The following FIRRM variants were observed in gnomAD, a reference collection of about 807,000 sequenced individuals.
FIRRM encodes FIGNL1 interacting regulator of recombination and mitosis, also known as FIGNL1-interacting regulator of recombination and mitosis.
At chr1:169,793,738 A>G in the FIRRM span, 6 of 1,508,040 alleles carry the variant, frequency 4.0e-6, no homozygotes, top group Middle Eastern at 1.8e-4. Flanking sequence ...AGATTCTTCA[A>G]CTTCTGGATA....
the FIRRM span, chr1:169,830,469 T>G: frequency 1.1e-6 from 1 of 944,690 alleles, no homozygotes; most frequent in Non-Finnish European, 1.6e-6. Context: ...CCCAAAACGC[T>G]TTGATTTCAT....
At chr1:169,843,661 TTG>T in the FIRRM span, 3 of 1,579,278 alleles carry the variant, frequency 1.9e-6, no homozygotes, top group African/African-American at 1.3e-5. Flanking sequence ...CAAAATTACT[TTG>T]TGTTTCTTAG....
chr1:169,795,471 C>A, the FIRRM span: 1 of 1,262,688 alleles, frequency 7.9e-7, no homozygotes, highest in Non-Finnish European at 1.0e-6. Context: ...GTGGATGTGG[C>A]GTTTTCTTCC....
chr1:169,830,831 G>A, the FIRRM span: 15 of 1,215,274 alleles, frequency 1.2e-5, no homozygotes, highest in Admixed American at 1.7e-5. Context: ...TGTGAATATC[G>A]GCGGGAGAAA....
the FIRRM span, chr1:169,827,233 C>A: frequency 1.3e-6 from 2 of 1,575,154 alleles, no homozygotes; most frequent in Non-Finnish European, 1.7e-6. Flanking sequence ...GATAAATCAT[C>A]TATTATGACA....
At chr1:169,842,283 C>A in the FIRRM span, 1 of 750,760 alleles carries the variant, frequency 1.3e-6, no homozygotes, top group Non-Finnish European at 2.0e-6. Context: ...ATGGCTTTGG[C>A]TCTTAGAAAT....
the FIRRM span, chr1:169,843,576 C>A: frequency 1.4e-6 from 1 of 710,756 alleles, no homozygotes. Context: ...AAATACTTAA[C>A]ATATTACCTG....
chr1:169,793,043 T>G, the FIRRM span: 1 of 1,614,210 alleles, frequency 6.2e-7, no homozygotes, highest in East Asian at 2.2e-5. Context: ...CATACTGTTA[T>G]AATCTTGAAA....
chr1:169,803,453 ATAAT>A, the FIRRM span: 2 of 903,046 alleles, frequency 2.2e-6, no homozygotes, highest in East Asian at 6.0e-5. Context: ...ATGTAAGTAA[ATAAT>A]TGTTGCAAAA....
the FIRRM span, chr1:169,794,845 G>T: frequency 2.1e-6 from 1 of 483,284 alleles, no homozygotes; most frequent in Non-Finnish European, 3.8e-6. Flanking sequence ...ACGTGTCCTG[G>T]GATCGCGCTT....
chr1:169,788,789 GTAATATTTAAGTTAGA>G, the FIRRM span, among the ~76,000 whole-genome samples: 1 of 152,218 alleles, frequency 6.6e-6, no homozygotes, highest in East Asian at 1.9e-4. Context: ...ACTTTCTTTA[GTAATATTTAAGTTAGA>G]TAATATTTAA....
the FIRRM span, chr1:169,806,036 A>G: frequency 5.0e-6 from 8 of 1,604,012 alleles, no homozygotes; most frequent in Non-Finnish European, 6.8e-6. Context: ...CTGCTCTGTT[A>G]TTTCCAGTAT....
chr1:169,838,460 G>A, the FIRRM span, among the ~76,000 whole-genome samples: 1 of 151,918 alleles, frequency 6.6e-6, no homozygotes, highest in Non-Finnish European at 1.5e-5. Context: ...TTCAACATAC[G>A]TCTTTTATTT....
the FIRRM span, among the ~76,000 whole-genome samples, chr1:169,808,108 T>C: frequency 1.3e-5 from 2 of 152,188 alleles, no homozygotes; most frequent in African/African-American, 2.4e-5. Flanking sequence ...CCCAGAGCAT[T>C]GTATTAGATT....
chr1:169,795,667 A>C, the FIRRM span: 1 of 988,872 alleles, frequency 1.0e-6, no homozygotes, highest in Non-Finnish European at 1.2e-6. Flanking sequence ...GAATATGAAT[A>C]AGGGCTTTCT....
At chr1:169,807,699 T>G in the FIRRM span, 1 of 1,172,702 alleles carries the variant, frequency 8.5e-7, no homozygotes, top group Non-Finnish European at 1.2e-6. Flanking sequence ...ATTGTTTTTT[T>G]AAATGTTCTA....
the FIRRM span, chr1:169,821,549 A>G: frequency 1.9e-6 from 1 of 538,798 alleles, no homozygotes; most frequent in South Asian, 3.9e-5. Flanking sequence ...TCTCGGAAAA[A>G]TTTTATACTG....
chr1:169,810,797 T>C, the FIRRM span, among the ~76,000 whole-genome samples: 162 of 151,134 alleles, frequency 1.1e-3, 2 homozygotes, highest in African/African-American at 3.8e-3. Flanking sequence ...TTAGAGTTTT[T>C]AATGTATAGT....
chr1:169,826,082 T>C, the FIRRM span: 1 of 328,656 alleles, frequency 3.0e-6, no homozygotes, highest in South Asian at 2.7e-5. Context: ...ACTTTTTTTT[T>C]CTTTTTTGAG....
Sources: allele counts gnomAD v4.1 joint callset (sites outside exome capture counted in the v4.1 genomes callset), GRCh38; gene constraint gnomAD v4.1.1; transcripts MANE v1.5; gene names NCBI Gene and HGNC (gene_info 2026-07-23, HGNC 2026-07-21).